The following ABR variants were observed in gnomAD, a reference collection of about 807,000 sequenced individuals.
ABR encodes active breakpoint cluster region-related protein.
In ABR, 35 loss-of-function variants were observed where a neutral mutation model predicts 107.2. The ratio of observed to expected loss-of-function variants is 0.33; its 90% CI spans 0.25 to 0.43. ABR has a LOEUF of 0.43. Among genes scored for constraint, ABR ranks in the 20% least tolerant of loss-of-function variants. The pLI is 1.00. For missense variants in ABR, 815 were observed against 1,115.2 expected (o/e 0.73, Z 3.83); for synonymous variants, 498 against 462.0 (o/e 1.08, Z -1.00).
intron 2 of ABR, among the ~76,000 whole-genome samples, chr17:1,113,203 G>C (rs1175868329): frequency 1.3e-5 from 2 of 152,150 alleles, no homozygotes; most frequent in Admixed American, 1.3e-4. Context: ...CCGTACTGGG[G>C]AGGGGAGCAG....
intron 1 of ABR, among the ~76,000 whole-genome samples, chr17:1,219,188 G>T (rs2043069421): frequency 6.6e-6 from 1 of 152,032 alleles, no homozygotes; most frequent in South Asian, 2.1e-4. Context: ...GATTACAGGT[G>T]CCTGCCACCA....
At chr17:1,202,342 T>A (rs2042686669) in intron 1 of ABR, among the ~76,000 whole-genome samples, 2 of 152,338 alleles carry the variant, frequency 1.3e-5, no homozygotes, top group South Asian at 4.1e-4. Context: ...AACCTCTTTA[T>A]AACAGATGCA....
At chr17:1,168,004 T>C (rs1014929935) in intron 1 of ABR, among the ~76,000 whole-genome samples, 3 of 152,018 alleles carry the variant, frequency 2.0e-5, no homozygotes, top group Admixed American at 2.0e-4. Flanking sequence ...ATACAAAAAT[T>C]AGCCGGGCGT....
intron 1 of ABR, among the ~76,000 whole-genome samples, chr17:1,205,448 G>A (rs986548728): frequency 6.6e-6 from 1 of 152,072 alleles, no homozygotes; most frequent in Non-Finnish European, 1.5e-5. Flanking sequence ...GAGTGGGGTC[G>A]GGGGGAGAGG....
chr17:1,047,672 C>T (rs914153547), intron 16 of ABR, among the ~76,000 whole-genome samples: 2 of 152,208 alleles, frequency 1.3e-5, no homozygotes, highest in Admixed American at 6.5e-5. Flanking sequence ...TAACATTCCT[C>T]GAAGCTTAAA....
Position 1,084,020 on chromosome 17 carries a change from G to C in ABR, c.532-393C>G, listed in dbSNP as rs118135179. Among the ~76,000 whole-genome samples, 1 of 152,120 alleles carries C rather than the reference G, an allele frequency of 6.6e-6. No individual in the cohort carries two copies. Reference sequence around the variant, plus strand: ...TTAGCCGGAGCAGGGAGAGAGGGGGGTGTGTGTGCTGGGGGGAGCTGGCAC... The same window carrying C: ...TTAGCCGGAGCAGGGAGAGAGGGGGCTGTGTGTGCTGGGGGGAGCTGGCAC... On this transcript the variant is annotated intron_variant, in intron 4 of 22. Coordinates refer to ENST00000302538, the MANE Select transcript of ABR (RefSeq NM_021962.5). The surrounding 1 kb of genome is among the most constrained non-coding windows in gnomAD (Gnocchi z 4.2).
intron 16 of ABR, among the ~76,000 whole-genome samples, chr17:1,036,901 C>T (rs1316284113): frequency 6.6e-6 from 1 of 152,174 alleles, no homozygotes; most frequent in African/African-American, 2.4e-5. Flanking sequence ...TTGCAATGTT[C>T]AGAGCCTGCA....
At chr17:1,228,540 C>CG (rs2043265638) in intron 1 of ABR, among the ~76,000 whole-genome samples, 4 of 152,196 alleles carry the variant, frequency 2.6e-5, no homozygotes, top group Admixed American at 2.6e-4. Context: ...CGCAAAGGCC[C>CG]GGGCGCCGGC....
At position 1,152,327 on chromosome 17, in the gene ABR, T is replaced by C. The variant is rs140576543; in HGVS notation, c.62-26960A>G. On this transcript the variant is annotated intron_variant, in intron 1 of 22. Coordinates refer to ENST00000302538, the MANE Select transcript of ABR (RefSeq NM_021962.5). ...CAGGACAGGCTGGGCTGGTGGCTGA[T>C]GCCTGTAATCCCAGCACTTTGGGAG... 4.3e-3 allele frequency among the ~76,000 whole-genome samples: 634 copies of C among 145,980 alleles called. 31 individuals carry two copies. The East Asian group carries it at 0.11, about 26-fold the overall frequency.
At chr17:1,158,251 A>G (rs908593913) in intron 1 of ABR, among the ~76,000 whole-genome samples, 1 of 151,780 alleles carries the variant, frequency 6.6e-6, no homozygotes, top group African/African-American at 2.4e-5. Context: ...CTTTTTTTAA[A>G]TTTGTATTTA....
rs549066649 is a variant in ABR, at chr17:1,081,186, T to C, written c.640-1796A>G. On this transcript the variant is annotated intron_variant, in intron 5 of 22. Coordinates refer to ENST00000302538, the MANE Select transcript of ABR (RefSeq NM_021962.5). ...TGAACACAGACCAGGGGAGTCCAGG[T>C]AGTTCCTGGGTTGGGCTGGAAACCG... 9.6e-4 allele frequency among the ~76,000 whole-genome samples: 146 copies of C among 152,282 alleles called. 1 individual carries two copies. Among genetic ancestry groups the C allele is most frequent in the African/African-American group, 3.2e-3 (134 of 41,572 alleles).
rs546049731 is a variant in ABR, at chr17:1,018,291, C to G, written c.1792-5127G>C. ...TCTCCTGACCTCGTGATTCGCCCAC[C>G]TCGGCCTCCCAAAGTGCTGGGATTA... On this transcript the variant is annotated intron_variant, in intron 16 of 22. Transcript: ENST00000302538. Among the ~76,000 whole-genome samples, 9 of 152,304 alleles carry G rather than the reference C, an allele frequency of 5.9e-5. No homozygotes were observed. In the South Asian group the frequency reaches 8.3e-4, roughly 14 times the overall value.
chr17:1,035,261 G>C (rs888161670), intron 16 of ABR, among the ~76,000 whole-genome samples: 1 of 151,268 alleles, frequency 6.6e-6, no homozygotes, highest in African/African-American at 2.4e-5. Flanking sequence ...ATCTCTGCTG[G>C]GTTCAGCTCA....
intron 16 of ABR, among the ~76,000 whole-genome samples, chr17:1,045,813 C>T (rs1192261235): frequency 6.6e-6 from 1 of 152,214 alleles, no homozygotes; most frequent in African/African-American, 2.4e-5. Context: ...GAGGCCAGGA[C>T]CCCCTCCTGG....
At chr17:1,172,711 C>T (rs532105060) in intron 1 of ABR, among the ~76,000 whole-genome samples, 3 of 151,880 alleles carry the variant, frequency 2.0e-5, no homozygotes, top group Non-Finnish European at 2.9e-5. Flanking sequence ...GATTGCCCCA[C>T]TGCACTCCAG....
intron 18 of ABR, chr17:1,012,326 G>C (rs759705974): frequency 3.1e-6 from 2 of 639,322 alleles, no homozygotes; most frequent in Non-Finnish European, 5.8e-6. Flanking sequence ...CTGAGACAAG[G>C]GGCCAGGGTG....
chr17:1,045,590 A>C (rs912771803), intron 16 of ABR, among the ~76,000 whole-genome samples: 2 of 152,144 alleles, frequency 1.3e-5, no homozygotes, highest in African/African-American at 4.8e-5. Flanking sequence ...CCTTAGCCCC[A>C]GCTTCCTCAT....
intron 1 of ABR, among the ~76,000 whole-genome samples, chr17:1,173,717 A>T (rs1480652560): frequency 6.6e-6 from 1 of 152,068 alleles, no homozygotes; most frequent in African/African-American, 2.4e-5. Flanking sequence ...TCCCACCCGT[A>T]CTCAGACAAC....
intron 3 of ABR, among the ~76,000 whole-genome samples, chr17:1,098,855 G>A (rs1007638221): frequency 3.3e-5 from 5 of 152,114 alleles, no homozygotes; most frequent in South Asian, 2.1e-4. Context: ...GTGCAAACTC[G>A]GCTCACTGCA....
Sources: allele counts gnomAD v4.1 joint callset (sites outside exome capture counted in the v4.1 genomes callset), GRCh38; gene constraint gnomAD v4.1.1; non-coding constraint Gnocchi (gnomAD v3.1); transcripts MANE v1.5; gene names NCBI Gene and HGNC (gene_info 2026-07-23, HGNC 2026-07-21).